Variants in PECAM1 observed in about 807,000 individuals in gnomAD.
PECAM1 encodes the protein platelet endothelial cell adhesion molecule.
Under a neutral mutation model 13.8 loss-of-function variants are expected in PECAM1, and 8 were observed. The ratio of observed to expected loss-of-function variants is 0.58; its 90% CI spans 0.34 to 1.05. The LOEUF is 1.05. PECAM1 is among the 50% of genes least tolerant of loss of function. The pLI, the probability that PECAM1 is intolerant of heterozygous loss-of-function variation, is 0.03. For missense variants in PECAM1, 304 were observed against 141.2 expected (o/e 2.15, Z -5.84); for synonymous variants, 136 against 52.6 (o/e 2.58, Z -6.86).
chr17:64,323,578 C>G lies in PECAM1; in HGVS notation c.*238G>C. 1.4e-6 allele frequency: 2 copies of G among 1,420,296 alleles called. No homozygotes were observed. The highest frequency in any genetic ancestry group is 1.8e-6 in the Non-Finnish European group (2 of 1,090,736). 88.0% of individuals were successfully genotyped at this position (1,420,296 alleles called of 1,614,324 possible). ...TGCTCTTCCAATTTCCAAGGATGTT[C>G]CAACTTGGTGGAAGGAGGGTATGTG... On this transcript the variant is annotated 3_prime_UTR_variant, in exon 16 of 16. Transcript: ENST00000563924.
At chr17:64,335,842 G>C (rs2035262962) in intron 14 of PECAM1, among the ~76,000 whole-genome samples, 1 of 152,322 alleles carries the variant, frequency 6.6e-6, no homozygotes, top group African/African-American at 2.4e-5. Flanking sequence ...AGAGTATAGG[G>C]AGAAAACAAT....
chr17:64,386,035 C>T (rs2036585669), intron 2 of PECAM1, among the ~76,000 whole-genome samples: 1 of 152,198 alleles, frequency 6.6e-6, no homozygotes, highest in Non-Finnish European at 1.5e-5. Context: ...CAGGTGAAAG[C>T]TGATGAGGCC....
chr17:64,338,413 C>T (rs1368468665), intron 14 of PECAM1, among the ~76,000 whole-genome samples: 3 of 151,744 alleles, frequency 2.0e-5, no homozygotes, highest in Non-Finnish European at 4.4e-5. Context: ...AACACACCTG[C>T]TGTAAATGCC....
At chr17:64,361,886 C>T (rs2035991289) in intron 6 of PECAM1, among the ~76,000 whole-genome samples, 2 of 151,908 alleles carry the variant, frequency 1.3e-5, no homozygotes, top group African/African-American at 4.8e-5. Flanking sequence ...TTCCTCCTCC[C>T]AAGAACAAAA....
rs5821431 is a variant in PECAM1, at chr17:64,321,594, CA to C, written c.*2221del. 204,390 of 411,250 alleles carry C rather than the reference CA, an allele frequency of 0.5. 50,422 individuals are homozygous for C. Among genetic ancestry groups the C allele is most frequent in the East Asian group, 0.66 (5,550 of 8,368 alleles). 25.5% of individuals were successfully genotyped at this position (411,250 alleles called of 1,614,324 possible). ...GCACCATGGTGAAACCTCATCTCTG[CA>C]AAAAAAAAATTAAAAATTAGCCAGC... On this transcript the variant is annotated 3_prime_UTR_variant, in exon 16 of 16. Coordinates refer to ENST00000563924, the MANE Select transcript of PECAM1 (RefSeq NM_000442.5).
intron 8 of PECAM1, among the ~76,000 whole-genome samples, 188 bp downstream of exon 8, chr17:64,355,923 G>A (rs909923007): frequency 1.3e-5 from 2 of 151,974 alleles, no homozygotes; most frequent in African/African-American, 2.4e-5. Flanking sequence ...TATAATAATC[G>A]ATTTCTCTTT....
chr17:64,387,241 G>T (rs1018697186), intron 2 of PECAM1, among the ~76,000 whole-genome samples: 2 of 152,192 alleles, frequency 1.3e-5, no homozygotes, highest in African/African-American at 2.4e-5. Flanking sequence ...GGCATCAGGT[G>T]GTCCTTGGTG....
chr17:64,322,165 C>G lies in PECAM1; in HGVS notation c.*1651G>C, dbSNP rs2034822290. ...ACACATGAGGACAAGGCGGGCAGAT[C>G]ACCAAAGGTCAGGCATTCGAGATCA... On this transcript the variant is annotated 3_prime_UTR_variant, in exon 16 of 16. Coordinates refer to ENST00000563924, the MANE Select transcript of PECAM1 (RefSeq NM_000442.5). 2 of 803,048 alleles carry G rather than the reference C, an allele frequency of 2.5e-6. No homozygotes were observed. Among genetic ancestry groups the G allele is most frequent in the Admixed American group, 5.8e-5 (1 of 17,172 alleles). 49.7% of individuals were successfully genotyped at this position (803,048 alleles called of 1,614,324 possible). A position where few individuals can be genotyped will look rare whatever the true frequency, so the allele number is the denominator to read the frequency against.
intron 12 of PECAM1, among the ~76,000 whole-genome samples, chr17:64,349,674 C>T (rs895539796): frequency 6.0e-5 from 9 of 150,542 alleles, no homozygotes; most frequent in African/African-American, 1.7e-4. Flanking sequence ...ATAACAAGGT[C>T]AGGAGTTTGA....
chr17:64,372,431 G>T (rs1050287277), intron 4 of PECAM1, among the ~76,000 whole-genome samples: 3 of 152,146 alleles, frequency 2.0e-5, no homozygotes, highest in Admixed American at 6.5e-5. Context: ...TTAGCTGTTT[G>T]TTAAAGGTAC....
intron 10 of PECAM1, among the ~76,000 whole-genome samples, chr17:64,353,217 T>C (rs2035767398): frequency 6.6e-6 from 1 of 151,664 alleles, no homozygotes; most frequent in Non-Finnish European, 1.5e-5. Context: ...GAAAGGGAGA[T>C]TTCACAAATA....
At chr17:64,344,688 C>T (rs1456956710) in intron 13 of PECAM1, among the ~76,000 whole-genome samples, 7 of 152,062 alleles carry the variant, frequency 4.6e-5, no homozygotes, top group African/African-American at 7.2e-5. Flanking sequence ...AGCCCCTTTT[C>T]GTACCTGGTA....
At chr17:64,355,505 G>C (rs1293003712) in intron 8 of PECAM1, among the ~76,000 whole-genome samples, 1 of 152,030 alleles carries the variant, frequency 6.6e-6, no homozygotes, top group African/African-American at 2.4e-5. Flanking sequence ...TGTTGCCCAG[G>C]CTGGAGTGCA....
At chr17:64,333,943 CAAA>C (rs869179014) in intron 14 of PECAM1, among the ~76,000 whole-genome samples, 48 of 69,602 alleles carry the variant, frequency 6.9e-4, no homozygotes, top group South Asian at 2.8e-3. Context: ...GACCCTGTCT[CAAA>C]AAAAAAAAAA....
chr17:64,331,824 C>T (rs1223226158), intron 14 of PECAM1, among the ~76,000 whole-genome samples: 1 of 152,220 alleles, frequency 6.6e-6, no homozygotes, highest in Non-Finnish European at 1.5e-5. Flanking sequence ...CACCTGCTGC[C>T]TGGGGGAGAC....
chr17:64,358,322 T>C (rs2035894366), intron 7 of PECAM1, among the ~76,000 whole-genome samples: 1 of 152,108 alleles, frequency 6.6e-6, no homozygotes, highest in East Asian at 1.9e-4. Context: ...TTTTGCCATG[T>C]TGGCCAAGCT....
chr17:64,376,161 C>T (rs1047844752), intron 3 of PECAM1, among the ~76,000 whole-genome samples: 18 of 151,756 alleles, frequency 1.2e-4, no homozygotes, highest in Admixed American at 2.6e-4. Context: ...AAAAATTAGC[C>T]GGGCATGGTG....
Position 64,321,925 on chromosome 17 carries a change from A to C in PECAM1, c.*1891T>G, listed in dbSNP as rs782678240. On this transcript the variant is annotated 3_prime_UTR_variant, in exon 16 of 16. Transcript: ENST00000563924. ...GGATCTGGCTGTCCCCAGATCATCA[A>C]CAGAGACATGAAGGTCGTTAGAGGT... The C allele has an allele frequency of 4.5e-6, 6 of 1,333,648 alleles. No individual in the cohort carries two copies. Among genetic ancestry groups the C allele is most frequent in the African/African-American group, 4.4e-5 (3 of 67,432 alleles). The allele number at this position is 1,333,648 out of a possible 1,614,324, so 82.6% of individuals were successfully genotyped here. A position where few individuals can be genotyped will look rare whatever the true frequency, so the allele number is the denominator to read the frequency against.
chr17:64,324,207 G>A (rs1598268102), intron 15 of PECAM1, among the ~76,000 whole-genome samples: 1 of 152,140 alleles, frequency 6.6e-6, no homozygotes, highest in Non-Finnish European at 1.5e-5. Context: ...CACAATGACT[G>A]CAGCCTCTCT....
Sources: allele counts gnomAD v4.1 joint callset (sites outside exome capture counted in the v4.1 genomes callset), GRCh38; gene constraint gnomAD v4.1.1; transcripts MANE v1.5; gene names NCBI Gene and HGNC (gene_info 2026-07-23, HGNC 2026-07-21).